The following MACF1 variants were observed in gnomAD, a reference collection of about 807,000 sequenced individuals.
MACF1 encodes the protein microtubule actin crosslinking factor 1.
Under a neutral mutation model 854.8 loss-of-function variants are expected in MACF1, and 193 were observed. The observed-to-expected ratio is 0.23, with a 90% CI of 0.20 to 0.25. The LOEUF is 0.25. Ranked by LOEUF, MACF1 falls within the 10% of genes least tolerant of loss-of-function variation. The probability of loss-of-function intolerance (pLI) is 1.00; values close to 1 mark genes in which losing one functional copy is unlikely to be tolerated. For missense variants in MACF1, 7,722 were observed against 8,929.1 expected, an observed-to-expected ratio of 0.86 and a Z score of 5.45; for synonymous variants, 3,185 against 3,226.7, an observed-to-expected ratio of 0.99 and a Z score of 0.44.
At chr1:39,412,235 A>G in intron 58 of MACF1, 6 of 1,613,996 alleles carry the variant, frequency 3.7e-6, no homozygotes, top group Non-Finnish European at 5.1e-6. Flanking sequence ...TTTGCTTTTA[A>G]TCATGAACTA....
At position 39,443,561 on chromosome 1, in the gene MACF1, T is replaced by C; in HGVS notation, c.19418T>C (p.Leu6473Pro). Residue 6473 changes from leucine to proline, a missense_variant, in exon 79 of 101, where the codon CTT (leucine) becomes CCT (proline). Physicochemically the swap from Leu to Pro is moderately conservative, Grantham distance 98. Around this residue, in one of 15 missense-constraint regions of MACF1, gnomAD observed 729 missense variants for 900.5 expected, o/e 0.81. Coordinates refer to ENST00000564288, the MANE Select transcript of MACF1 (RefSeq NM_001394062.1). ...CTTCCTGAAACTGCTAGGGAACAGCTTGATACACATATGGTAATAGCAATT... is the reference window on the plus strand; with the variant it reads ...CTTCCTGAAACTGCTAGGGAACAGCCTGATACACATATGGTAATAGCAATT... Reference protein sequence around the residue: ...GGLPETAREQLDTHMELYSQL... With the variant: ...GGLPETAREQPDTHMELYSQL... 6.2e-7 allele frequency: 1 copy of C among 1,608,320 alleles called. No individual in the cohort carries two copies. Among genetic ancestry groups the C allele is most frequent in the Non-Finnish European group, 8.5e-7 (1 of 1,178,498 alleles).
chr1:39,239,796 A>G (rs2148319735), intron 2 of MACF1, among the ~76,000 whole-genome samples: 1 of 152,350 alleles, frequency 6.6e-6, no homozygotes, highest in South Asian at 2.1e-4. Context: ...ATTTTTGTAT[A>G]TGCAATCTAG....
At position 39,331,850 on chromosome 1, in the gene MACF1, A is replaced by T. The variant is rs763425183; in HGVS notation, c.5262A>T (p.Glu1754Asp). ...RKVSIFRAVQ[E>D]GLIDRQVTVR... ...TTAGCATTTTCCGTGCAGTTCAGGA[A>T]GGGCTAATAGATAGGCAGGTCACTG... Residue 1754 changes from glutamate to aspartate, a missense_variant, in exon 37 of 101, where the codon GAA becomes GAT. Around this residue, in one of 15 missense-constraint regions of MACF1, gnomAD observed 1,531 missense variants for 1,601.6 expected, o/e 0.96. Coordinates refer to ENST00000564288, the MANE Select transcript of MACF1 (RefSeq NM_001394062.1). The T allele has an allele frequency of 6.2e-7, 1 of 1,614,172 alleles. No individual in the cohort carries two copies. Among genetic ancestry groups the T allele is most frequent in the South Asian group, 1.1e-5 (1 of 91,084 alleles).
chr1:39,356,376 A>ATTT (rs370740349), intron 44 of MACF1, among the ~76,000 whole-genome samples: 2 of 143,926 alleles, frequency 1.4e-5, no homozygotes, highest in African/African-American at 2.5e-5. Context: ...AAGAACTTGC[A>ATTT]TTTTTTTTTT....
chr1:39,462,150 T>C, intron 93 of MACF1, 113 bp downstream of exon 93: 4 of 992,380 alleles, frequency 4.0e-6, no homozygotes, highest in Non-Finnish European at 6.0e-6. Context: ...TGGGAGATAA[T>C]TATTTGGAGT....
At chr1:39,130,156 TC>T (rs1259280962) in intron 2 of MACF1, among the ~76,000 whole-genome samples, 1 of 152,038 alleles carries the variant, frequency 6.6e-6, no homozygotes, top group African/African-American at 2.4e-5. Context: ...AGTTTATTTT[TC>T]CCCCCCATTC....
chr1:39,154,729 T>C (rs1643648852), intron 2 of MACF1, among the ~76,000 whole-genome samples: 1 of 151,958 alleles, frequency 6.6e-6, no homozygotes. Flanking sequence ...GGATTTTTTT[T>C]TTTTAACAGC....
intron 40 of MACF1, among the ~76,000 whole-genome samples, chr1:39,345,657 A>G (rs1647028593): frequency 6.6e-6 from 1 of 152,234 alleles, no homozygotes; most frequent in Non-Finnish European, 1.5e-5. Flanking sequence ...ATATTTTCTC[A>G]GTACTGGCCT....
chr1:39,475,692 A>G (rs1468260691), intron 97 of MACF1, among the ~76,000 whole-genome samples: 35 of 151,910 alleles, frequency 2.3e-4, no homozygotes, highest in African/African-American at 7.0e-4. Flanking sequence ...TGGGAGGGAG[A>G]GACCTACGTT....
chr1:39,421,805 T>C (rs1166048864), intron 58 of MACF1, among the ~76,000 whole-genome samples: 3 of 152,178 alleles, frequency 2.0e-5, no homozygotes. Flanking sequence ...CCGGGCGCGG[T>C]GGCTCACGCC....
intron 97 of MACF1, 123 bp downstream of exon 97, chr1:39,469,738 C>A: frequency 4.1e-6 from 3 of 734,382 alleles, no homozygotes; most frequent in African/African-American, 3.5e-5. Flanking sequence ...TTGAAATGGC[C>A]AAACCATAGC....
At chr1:39,388,942 G>C (rs140430035) in intron 58 of MACF1, among the ~76,000 whole-genome samples, 54 of 139,498 alleles carry the variant, frequency 3.9e-4, no homozygotes, top group Non-Finnish European at 6.8e-4. Context: ...GCAGTGGTGC[G>C]ATCTCGGCTC....
intron 6 of MACF1, among the ~76,000 whole-genome samples, chr1:39,259,668 G>T (rs1645136790): frequency 6.6e-6 from 1 of 150,582 alleles, no homozygotes; most frequent in African/African-American, 2.4e-5. Context: ...TGTTGCCCGG[G>T]CTAGAGTGCA....
chr1:39,467,617 T>TA (rs1479176898), intron 95 of MACF1: 1 of 152,166 alleles, frequency 6.6e-6, no homozygotes, highest in East Asian at 1.9e-4. Flanking sequence ...TAATCAGAAA[T>TA]ATGCTTGTTT....
At chr1:39,351,053 A>G (rs1647166944) in intron 43 of MACF1, 35 bp downstream of exon 43, 2 of 1,527,046 alleles carry the variant, frequency 1.3e-6, no homozygotes, top group Admixed American at 2.0e-5. Flanking sequence ...TATTTTTCAA[A>G]AAAGAAAATT....
Position 39,387,599 on chromosome 1 carries a change from A to G in MACF1, c.14757A>G (p.Ile4919Met), listed in dbSNP as rs774311310. ...QWHVEDLVPW[I>M]EDCKAKMSEL... The stretch of plus-strand genomic sequence containing the variant: ...ATGTGGAAGACCTTGTGCCATGGAT[A>G]GAAGATTGTAAAGCTAAGATGTCTG... Residue 4919 changes from isoleucine (I) to methionine (M), a missense_variant, in exon 58 of 101, where the codon ATA (isoleucine) becomes ATG (methionine). Around this residue, in one of 15 missense-constraint regions of MACF1, gnomAD observed 2,807 missense variants for 3,235.8 expected, o/e 0.87. Coordinates refer to ENST00000564288, the MANE Select transcript of MACF1 (RefSeq NM_001394062.1). The G allele has an allele frequency of 3.1e-6, 5 of 1,614,216 alleles. No individual in the cohort carries two copies. The highest frequency in any genetic ancestry group is 4.2e-6 in the Non-Finnish European group (5 of 1,180,032).
intron 6 of MACF1, among the ~76,000 whole-genome samples, chr1:39,261,262 A>G (rs1645160782): frequency 6.6e-6 from 1 of 152,164 alleles, no homozygotes; most frequent in Non-Finnish European, 1.5e-5. Flanking sequence ...GTTTTAAAAC[A>G]CCTTTTTGGT....
chr1:39,332,015 G>T lies in MACF1; in HGVS notation c.5427G>T (p.Gln1809His), dbSNP rs753331347. The change falls in exon 37 of 101, where the codon CAG (glutamine) becomes CAT (histidine). Residue 1809 changes from glutamine to histidine, a missense_variant. Coordinates refer to ENST00000564288, the MANE Select transcript of MACF1 (RefSeq NM_001394062.1). The stretch of plus-strand genomic sequence containing the variant: ...GTGCTATCCTCATAAGGCAGCTTCA[G>T]ACAGGAGGCATCATAGACACTGTCA... ...MACAILIRQL[Q>H]TGGIIDTVTG... is the part of the protein sequence containing the mutation. The T allele has an allele frequency of 6.2e-7, 1 of 1,614,010 alleles. No individual in the cohort carries two copies. Among genetic ancestry groups the T allele is most frequent in the Non-Finnish European group, 8.5e-7 (1 of 1,180,012 alleles).
At chr1:39,250,238 G>A in intron 3 of MACF1, 135 bp downstream of exon 3, 2 of 511,006 alleles carry the variant, frequency 3.9e-6, no homozygotes, top group South Asian at 4.0e-5. Flanking sequence ...AGGAAATGTT[G>A]GGGGACTTTA....
Sources: gnomAD v4.1 joint callset for allele counts (sites outside exome capture counted in the v4.1 genomes callset) on GRCh38, gnomAD v4.1.1 for gene constraint, gnomAD v4.1.1 regional missense constraint, MANE v1.5 for transcripts, NCBI Gene and HGNC (gene_info 2026-07-23, HGNC 2026-07-21) for gene names.